MCTP1: variants seen among roughly 807,000 people sequenced by gnomAD.
The protein encoded by MCTP1 is multiple C2 and transmembrane domain containing 1.
Under a neutral mutation model 120.6 loss-of-function variants are expected in MCTP1, and 69 were observed. That is an observed-to-expected ratio of 0.57 (90% CI 0.47 to 0.70). The LOEUF (loss-of-function observed/expected upper bound fraction) is 0.70, where lower values mean the gene tolerates loss of function less well. MCTP1 is among the 30% of genes least tolerant of loss of function. The probability of loss-of-function intolerance (pLI) is 0.00; values close to 1 mark genes in which losing one functional copy is unlikely to be tolerated. For synonymous variants in MCTP1, 529 were observed against 493.1 expected (o/e 1.07, Z -0.96); for missense variants, 1,203 against 1,248.8 (o/e 0.96, Z 0.55).
chr5:94,971,098 A>G (rs1034248902), intron 2 of MCTP1, among the ~76,000 whole-genome samples: 1 of 152,116 alleles, frequency 6.6e-6, no homozygotes, highest in African/African-American at 2.4e-5. Context: ...TACAAGAACT[A>G]TGATCTTAGA....
At chr5:95,099,168 C>T (rs1359322987) in intron 1 of MCTP1, among the ~76,000 whole-genome samples, 1 of 152,064 alleles carries the variant, frequency 6.6e-6, no homozygotes, top group African/African-American at 2.4e-5. Flanking sequence ...CCATAAAAAC[C>T]CTAGAAGAAA....
At chr5:95,149,578 C>T (rs1372970372) in intron 1 of MCTP1, among the ~76,000 whole-genome samples, 2 of 152,066 alleles carry the variant, frequency 1.3e-5, no homozygotes, top group Non-Finnish European at 2.9e-5. Context: ...AGAGCTGTGC[C>T]CGCCCAGAGT....
At chr5:94,991,279 C>A (rs533064618) in intron 2 of MCTP1, among the ~76,000 whole-genome samples, 1 of 152,052 alleles carries the variant, frequency 6.6e-6, no homozygotes. Context: ...ATCTTGTCAC[C>A]GTATTGATTT....
intron 2 of MCTP1, among the ~76,000 whole-genome samples, chr5:95,015,790 T>C (rs1177858142): frequency 3.9e-5 from 6 of 152,080 alleles, no homozygotes; most frequent in Non-Finnish European, 8.8e-5. Context: ...TATTTATGGG[T>C]ATTTAGATTA....
At chr5:95,128,150 T>G (rs1419336451) in intron 1 of MCTP1, among the ~76,000 whole-genome samples, 1 of 152,130 alleles carries the variant, frequency 6.6e-6, no homozygotes, top group Non-Finnish European at 1.5e-5. Context: ...GTATAGTCAA[T>G]AGTGAATACC....
intron 10 of MCTP1, among the ~76,000 whole-genome samples, chr5:94,900,849 C>T (rs1805327527): frequency 6.6e-6 from 1 of 152,190 alleles, no homozygotes; most frequent in South Asian, 2.1e-4. Flanking sequence ...AATGCCTTCT[C>T]TTTGCAGAGA....
At chr5:94,970,050 T>C (rs1408877706) in intron 2 of MCTP1, among the ~76,000 whole-genome samples, 5 of 152,048 alleles carry the variant, frequency 3.3e-5, no homozygotes, top group Non-Finnish European at 7.4e-5. Context: ...AACATGAATA[T>C]TCCAATGAAT....
intron 17 of MCTP1, among the ~76,000 whole-genome samples, chr5:94,809,545 C>A (rs1044010469): frequency 1.3e-5 from 2 of 152,074 alleles, no homozygotes; most frequent in African/African-American, 4.8e-5. Flanking sequence ...TAGTCTGTTA[C>A]CTTTGTAGTT....
chr5:94,888,885 C>T lies in MCTP1; in HGVS notation c.1927G>A (p.Val643Ile), dbSNP rs756721965. Reference sequence around the variant, plus strand: ...GAATTGCATCATCTCTTACCAGTGACGTCGGCAGCCATTAACCCTTCCGCT... The same window carrying T: ...GAATTGCATCATCTCTTACCAGTGATGTCGGCAGCCATTAACCCTTCCGCT... ...IRAEGLMAADVTGKSDPFCVV... is the reference protein window; with the variant it reads ...IRAEGLMAADITGKSDPFCVV... Residue 643 changes from valine to isoleucine, a missense_variant, in exon 12 of 23, where the codon GTC (valine) becomes ATC (isoleucine). Physicochemically the swap from Val to Ile is conservative, Grantham distance 29. Around this residue, in one of 2 missense-constraint regions of MCTP1, gnomAD observed 740 missense variants for 871.1 expected, o/e 0.85. Transcript: ENST00000515393. 3.4e-5 allele frequency: 54 copies of T among 1,606,888 alleles called. No individual in the cohort carries two copies. The highest frequency in any genetic ancestry group is 1.0e-4 in the Admixed American group (6 of 59,978).
At chr5:95,120,053 T>C (rs1758100280) in intron 1 of MCTP1, among the ~76,000 whole-genome samples, 1 of 151,466 alleles carries the variant, frequency 6.6e-6, no homozygotes, top group African/African-American at 2.4e-5. Context: ...GGCGGGTGCC[T>C]GTAGTCCCAG....
chr5:94,743,455 C>T (rs1288692483), intron 19 of MCTP1, among the ~76,000 whole-genome samples: 1 of 152,052 alleles, frequency 6.6e-6, no homozygotes, highest in Non-Finnish European at 1.5e-5. Context: ...GTGAAAAATG[C>T]TTTATGACAG....
chr5:95,017,559 A>AAAGGGG, intron 1 of MCTP1, 75 bp from the exon 2 acceptor site: 15 of 759,010 alleles, frequency 2.0e-5, no homozygotes, highest in Middle Eastern at 3.8e-4. Context: ...GACCATATAT[A>AAAGGGG]GCTTAACCCA....
chr5:95,005,601 A>G (rs1243268293), intron 2 of MCTP1, among the ~76,000 whole-genome samples: 1 of 152,056 alleles, frequency 6.6e-6, no homozygotes, highest in African/African-American at 2.4e-5. Flanking sequence ...GTTGTTTGAA[A>G]GGGTGTGGCA....
chr5:94,796,483 A>G (rs1306695593), intron 18 of MCTP1, among the ~76,000 whole-genome samples: 1 of 150,734 alleles, frequency 6.6e-6, no homozygotes, highest in Non-Finnish European at 1.5e-5. Flanking sequence ...TTCCAGTGCT[A>G]TGCGCTATGC....
At chr5:94,972,039 A>G (rs1458871062) in intron 2 of MCTP1, among the ~76,000 whole-genome samples, 1 of 152,048 alleles carries the variant, frequency 6.6e-6, no homozygotes, top group Non-Finnish European at 1.5e-5. Context: ...TTCCTTATCT[A>G]GATTATTTAG....
intron 19 of MCTP1, among the ~76,000 whole-genome samples, chr5:94,763,954 T>C (rs779980739): frequency 2.0e-5 from 3 of 152,224 alleles, no homozygotes; most frequent in Non-Finnish European, 4.4e-5. Context: ...GATTAAGTTA[T>C]GTTGCAGTCA....
At chr5:94,922,308 AAAG>A (rs1314728227) in intron 7 of MCTP1, among the ~76,000 whole-genome samples, 1 of 152,226 alleles carries the variant, frequency 6.6e-6, no homozygotes, top group Non-Finnish European at 1.5e-5. Flanking sequence ...TGGAAGTAGC[AAAG>A]AAGATCTTGA....
intron 1 of MCTP1, among the ~76,000 whole-genome samples, chr5:95,193,311 T>G (rs1750027161): frequency 1.3e-5 from 2 of 152,178 alleles, no homozygotes; most frequent in Non-Finnish European, 2.9e-5. Flanking sequence ...CACTGTTTTG[T>G]GACTCCATAA....
intron 1 of MCTP1, among the ~76,000 whole-genome samples, chr5:95,027,839 C>T (rs1266407082): frequency 6.6e-6 from 1 of 152,080 alleles, no homozygotes; most frequent in African/African-American, 2.4e-5. Flanking sequence ...ACGAAAAGAA[C>T]GAGACCGAGC....
Sources: allele counts gnomAD v4.1 joint callset (sites outside exome capture counted in the v4.1 genomes callset), GRCh38; gene constraint gnomAD v4.1.1; regional missense constraint gnomAD v4.1.1; transcripts MANE v1.5; gene names NCBI Gene and HGNC (gene_info 2026-07-23, HGNC 2026-07-21).